Variants in OXCT1 observed in about 807,000 individuals in gnomAD.
OXCT1 encodes succinyl-CoA:3-ketoacid coenzyme A transferase 1, mitochondrial.
In OXCT1, 27 loss-of-function variants were observed where a neutral mutation model predicts 69.6. The observed-to-expected ratio is 0.39, with a 90% CI of 0.29 to 0.54. The LOEUF is 0.54. Ranked by LOEUF, OXCT1 falls within the 20% of genes least tolerant of loss-of-function variation. The probability of loss-of-function intolerance (pLI) is 0.72; values close to 1 mark genes in which losing one functional copy is unlikely to be tolerated. For missense variants in OXCT1, 437 were observed against 650.2 expected (o/e 0.67, Z 3.57); for synonymous variants, 202 against 217.8 (o/e 0.93, Z 0.64).
At chr5:41,797,168 C>T (rs570715493) in intron 11 of OXCT1, among the ~76,000 whole-genome samples, 2 of 152,278 alleles carry the variant, frequency 1.3e-5, no homozygotes, top group South Asian at 4.1e-4. Context: ...ACACTGACTT[C>T]CAAAAGACAA....
intron 13 of OXCT1, among the ~76,000 whole-genome samples, chr5:41,790,110 C>T (rs534313843): frequency 7.9e-5 from 12 of 152,192 alleles, no homozygotes; most frequent in Non-Finnish European, 1.8e-4. Context: ...AAGAATGCCT[C>T]ATTCAATCCT....
chr5:41,803,523 A>AC (rs756163394), intron 9 of OXCT1, among the ~76,000 whole-genome samples: 13 of 152,206 alleles, frequency 8.5e-5, no homozygotes, highest in Non-Finnish European at 1.9e-4. Context: ...AATGATTTTC[A>AC]CTATTCAAAA....
intron 4 of OXCT1, 74 bp downstream of exon 4, chr5:41,853,345 A>G (rs1276276900): frequency 2.1e-6 from 3 of 1,419,110 alleles, no homozygotes; most frequent in East Asian, 4.6e-5. Context: ...TCTTTTGCAC[A>G]AAGAAATTTC....
intron 7 of OXCT1, among the ~76,000 whole-genome samples, chr5:41,812,751 C>T (rs1040777708): frequency 1.3e-5 from 2 of 151,882 alleles, no homozygotes; most frequent in African/African-American, 4.8e-5. Context: ...GAAAGTAGAA[C>T]TAGTATGATT....
chr5:41,862,643 A>C lies in OXCT1; in HGVS notation c.186T>G (p.Gly62=). The change falls in exon 2 of 17, where the codon GGT becomes GGG. Residue 62 remains glycine (G), a splice_region_variant and synonymous_variant. Transcript: ENST00000196371. ...DIPDGATVLV[G]GFGLCGIPEN... ...CATGAAAACAGTGTTAGTACTCACC[A>C]CCAACCAAAACCGTGGCACCATCAG... 1 of 1,586,854 alleles carries C rather than the reference A, an allele frequency of 6.3e-7. No homozygotes were observed. Among genetic ancestry groups the C allele is most frequent in the East Asian group, 2.2e-5 (1 of 44,690 alleles).
chr5:41,764,544 C>T (rs1277156816), intron 13 of OXCT1, among the ~76,000 whole-genome samples: 1 of 152,146 alleles, frequency 6.6e-6, no homozygotes, highest in Non-Finnish European at 1.5e-5. Flanking sequence ...TCAGACTACA[C>T]TTCCTTCCTC....
intron 7 of OXCT1, among the ~76,000 whole-genome samples, chr5:41,818,659 C>A (rs192813492): frequency 1.7e-4 from 26 of 152,152 alleles, no homozygotes; most frequent in Non-Finnish European, 3.1e-4. Context: ...TGGTTGTGTA[C>A]CTGGATTTTC....
intron 13 of OXCT1, among the ~76,000 whole-genome samples, chr5:41,786,335 G>A (rs1745642466): frequency 6.6e-6 from 1 of 152,206 alleles, no homozygotes; most frequent in Non-Finnish European, 1.5e-5. Flanking sequence ...CTCCTGCTAT[G>A]TAAAATCTTT....
At chr5:41,736,021 T>G (rs534843918) in intron 16 of OXCT1, among the ~76,000 whole-genome samples, 3 of 152,354 alleles carry the variant, frequency 2.0e-5, no homozygotes, top group Admixed American at 1.3e-4. Context: ...CTGCTGTGGC[T>G]GTACACCTAG....
chr5:41,860,623 A>G (rs936045584), intron 3 of OXCT1, among the ~76,000 whole-genome samples: 2 of 152,178 alleles, frequency 1.3e-5, no homozygotes, highest in African/African-American at 4.8e-5. Flanking sequence ...TAAAATGCCA[A>G]TTGGGTGATT....
At chr5:41,742,603 G>A (rs907884369) in intron 15 of OXCT1, among the ~76,000 whole-genome samples, 3 of 152,092 alleles carry the variant, frequency 2.0e-5, no homozygotes, top group African/African-American at 7.2e-5. Context: ...TTTAACATTA[G>A]GTATATCTCC....
intron 13 of OXCT1, among the ~76,000 whole-genome samples, chr5:41,785,251 A>G (rs1011204968): frequency 5.9e-5 from 9 of 152,184 alleles, no homozygotes; most frequent in African/African-American, 2.2e-4. Flanking sequence ...CCAATGGGTC[A>G]GTATTTTTAT....
chr5:41,865,021 T>A lies in OXCT1; in HGVS notation c.79-2271A>T, dbSNP rs527250079. On this transcript the variant is annotated intron_variant, in intron 1 of 16. Coordinates refer to ENST00000196371, the MANE Select transcript of OXCT1 (RefSeq NM_000436.4). Reference sequence around the variant, plus strand: ...CATAGAGAGGAAGTTGGAAGAAAACTCATTTCCCCTATATACCTATAGAGG... The same window carrying A: ...CATAGAGAGGAAGTTGGAAGAAAACACATTTCCCCTATATACCTATAGAGG... Among the ~76,000 whole-genome samples the A allele has an allele frequency of 2.0e-5, 3 of 152,278 alleles. No individual in the cohort carries two copies. In the East Asian group the frequency reaches 5.8e-4, roughly 29 times the overall value.
intron 1 of OXCT1, among the ~76,000 whole-genome samples, chr5:41,867,639 G>A (rs1750057332): frequency 6.6e-6 from 1 of 152,200 alleles, no homozygotes; most frequent in Admixed American, 6.5e-5. Context: ...AACAAGGAAT[G>A]GGAAAGCCAC....
At chr5:41,749,017 A>G (rs924933118) in intron 15 of OXCT1, among the ~76,000 whole-genome samples, 6 of 152,154 alleles carry the variant, frequency 3.9e-5, no homozygotes, top group African/African-American at 1.4e-4. Context: ...GAATCTAGAG[A>G]GTCACTGTGT....
intron 15 of OXCT1, among the ~76,000 whole-genome samples, chr5:41,744,509 G>A (rs945341198): frequency 6.6e-6 from 1 of 152,292 alleles, no homozygotes; most frequent in East Asian, 1.9e-4. Flanking sequence ...ATGTTGAATA[G>A]GAGTGGTGAG....
At chr5:41,859,555 G>T (rs567032059) in intron 3 of OXCT1, among the ~76,000 whole-genome samples, 1 of 152,206 alleles carries the variant, frequency 6.6e-6, no homozygotes, top group African/African-American at 2.4e-5. Context: ...GAGGACTTCT[G>T]TAGTTACATG....
chr5:41,859,495 T>C (rs930537796), intron 3 of OXCT1, among the ~76,000 whole-genome samples: 2 of 152,034 alleles, frequency 1.3e-5, no homozygotes, highest in African/African-American at 4.8e-5. Context: ...TTGACAGCAA[T>C]TGGGTTGAGT....
intron 15 of OXCT1, among the ~76,000 whole-genome samples, chr5:41,745,270 T>C (rs1373607713): frequency 4.0e-5 from 6 of 151,830 alleles, no homozygotes; most frequent in Non-Finnish European, 8.8e-5. Flanking sequence ...CTCAACTACA[T>C]GGAAACTGAA....
Sources: allele counts gnomAD v4.1 joint callset (sites outside exome capture counted in the v4.1 genomes callset), GRCh38; gene constraint gnomAD v4.1.1; transcripts MANE v1.5; gene names NCBI Gene and HGNC (gene_info 2026-07-23, HGNC 2026-07-21).